Variants in HMCN2 observed in about 807,000 individuals in gnomAD.
HMCN2 encodes hemicentin-2.
In HMCN2, 325 loss-of-function variants were observed where a neutral mutation model predicts 377.5. The observed-to-expected ratio is 0.86, with a 90% confidence interval of 0.79 to 0.94. The LOEUF (loss-of-function observed/expected upper bound fraction) is 0.94. Ranked by LOEUF, HMCN2 falls within the 40% of genes least tolerant of loss-of-function variation. HMCN2 has a pLI of 0.00. For missense variants in HMCN2, 4,543 were observed against 4,725.3 expected (o/e 0.96, Z 1.13); for synonymous variants, 2,007 against 2,046.8 (o/e 0.98, Z 0.53).
chr9:130,416,679 G>A (rs576200782), intron 85 of HMCN2, among the ~76,000 whole-genome samples: 4 of 152,070 alleles, frequency 2.6e-5, no homozygotes, highest in African/African-American at 7.2e-5. Context: ...TGGGGTATTC[G>A]TCCAGGAGCA....
chr9:130,426,845 G>A (rs11244302), intron 90 of HMCN2, among the ~76,000 whole-genome samples: 29,620 of 150,664 alleles, frequency 0.2, 3,216 homozygotes, highest in East Asian at 0.4. Flanking sequence ...TTCTTCCAGC[G>A]TGGCCCACAG....
rs982880362 is a variant in HMCN2 at position 130,349,681 on chromosome 9, C to T, written c.4430+18C>T. 18 of 1,298,560 alleles carry T rather than the reference C, an allele frequency of 1.4e-5. No homozygotes were observed. The Middle Eastern group carries it at 6.4e-4, about 46-fold the overall frequency. The allele number at this position is 1,298,560 out of a possible 1,614,324, so 80.4% of individuals were successfully genotyped here. ...GACAGGCAGTGAGTGCCCCCCTCCC[C>T]GAGGATGGCGTGTGGTGGTGCCCAG... is the stretch of plus-strand genomic sequence containing the variant. On this transcript the variant is annotated intron_variant, in intron 29 of 97. Transcript: ENST00000683500.
At position 130,374,541 on chromosome 9, in the gene HMCN2, G is replaced by A. The variant is rs976862490; in HGVS notation, c.7478G>A (p.Arg2493Gln). 2.3e-5 allele frequency: 23 copies of A among 985,692 alleles called. No homozygotes were observed. The highest frequency in any genetic ancestry group is 1.7e-4 in the African/African-American group (10 of 57,224). 61.1% of individuals were successfully genotyped at this position (985,692 alleles called of 1,614,324 possible). ...AAGCTCACATGGTTCAAAGATGGCC[G>A]GCCTCTGGCTAGGGGAGATGCTCAC... ...QPKLTWFKDG[R>Q]PLARGDAHHI... is the part of the protein sequence containing the mutation. Residue 2493 changes from arginine (R) to glutamine (Q), a missense_variant, in exon 49 of 98, where the codon CGG becomes CAG. Arg to Gln is a conservative substitution (Grantham distance 43). Coordinates refer to ENST00000683500, the MANE Select transcript of HMCN2 (RefSeq NM_001291815.2).
At chr9:130,278,024 CCACGATCAT>C (rs1337993026) in intron 1 of HMCN2, among the ~76,000 whole-genome samples, 2 of 74,444 alleles carry the variant, frequency 2.7e-5, no homozygotes, top group Non-Finnish European at 5.7e-5. Flanking sequence ...ATCACCACCA[CCACGATCAT>C]CACCACCACC....
chr9:130,382,367 G>T, intron 55 of HMCN2, 70 bp downstream of exon 55: 1 of 684,062 alleles, frequency 1.5e-6, no homozygotes, highest in African/African-American at 1.9e-5. Flanking sequence ...CTCAGAAGGG[G>T]CCGAGGCAAA....
chr9:130,345,373 G>A (rs1197320607), intron 25 of HMCN2, among the ~76,000 whole-genome samples: 2 of 145,152 alleles, frequency 1.4e-5, no homozygotes, highest in Non-Finnish European at 3.0e-5. Context: ...TGGTATGTGT[G>A]GTATGTGTAG....
chr9:130,403,319 G>A lies in HMCN2; in HGVS notation c.12004G>A (p.Val4002Ile), dbSNP rs201787162. ...TITWQKEGLN[V>I]ATGVSTQVLP... ...CACCTGGCAGAAGGAAGGGCTCAAC[G>A]TCGCTACTGGTGAGGGCCCCTGGCA... The change falls in exon 79 of 98, where the codon GTC becomes ATC. Residue 4002 changes from valine to isoleucine, a missense_variant. Coordinates refer to ENST00000683500, the MANE Select transcript of HMCN2 (RefSeq NM_001291815.2). 17 of 1,289,924 alleles carry A rather than the reference G, an allele frequency of 1.3e-5. No individual in the cohort carries two copies. Among genetic ancestry groups the A allele is most frequent in the Middle Eastern group, 2.1e-4 (1 of 4,694 alleles). The allele number at this position is 1,289,924 out of a possible 1,614,324, so 79.9% of individuals were successfully genotyped here.
chr9:130,288,467 G>A (rs1281633558), intron 4 of HMCN2, among the ~76,000 whole-genome samples: 1 of 152,218 alleles, frequency 6.6e-6, no homozygotes, highest in African/African-American at 2.4e-5. Context: ...GGCAAGCCTG[G>A]GAAGGTGGCT....
chr9:130,351,938 A>C lies in HMCN2; in HGVS notation c.4585+361A>C, dbSNP rs1329983824. Among the ~76,000 whole-genome samples the C allele has an allele frequency of 6.6e-6, 1 of 151,932 alleles. No individual in the cohort carries two copies. The highest frequency in any genetic ancestry group is 1.5e-5 in the Non-Finnish European group (1 of 67,990). ...GTGATTCTCTTGCCTCAGCCTCCCG[A>C]GTAGCTGGGATTACAGGTGCCCACC... On this transcript the variant is annotated intron_variant, in intron 30 of 97. Transcript: ENST00000683500. The surrounding 1 kb of genome is among the most constrained non-coding windows in gnomAD (Gnocchi z 5.4).
rs1371666173 is a variant in HMCN2, at chr9:130,429,688, A to G, written c.14326+3A>G. ...GGGCCCCAGCCTGCCCTGCCTAGGT[A>G]CGGGGACACCCACCCTCTGGCCACA... On this transcript the variant is annotated splice_donor_region_variant and intron_variant, in intron 94 of 97. Transcript: ENST00000683500. The G allele has an allele frequency of 7.4e-7, 1 of 1,343,902 alleles. No homozygotes were observed. The highest frequency in any genetic ancestry group is 2.8e-5 in the East Asian group (1 of 36,256). 83.2% of individuals were successfully genotyped at this position (1,343,902 alleles called of 1,614,324 possible). A position where few individuals can be genotyped will look rare whatever the true frequency, so the allele number is the denominator to read the frequency against.
intron 75 of HMCN2, 134 bp downstream of exon 75, chr9:130,398,841 C>A: frequency 1.3e-6 from 1 of 766,430 alleles, no homozygotes; most frequent in Non-Finnish European, 1.8e-6. Flanking sequence ...GAACTTGTGT[C>A]TCAACTTTGG....
At position 130,396,075 on chromosome 9, in the gene HMCN2, G is replaced by GGCCC; in HGVS notation, c.11053+10_11053+11insGCCC. 3 of 1,243,722 alleles carry GGCCC rather than the reference G, an allele frequency of 2.4e-6. No individual in the cohort carries two copies. The highest frequency in any genetic ancestry group is 3.1e-6 in the Non-Finnish European group (3 of 956,702). The allele number at this position is 1,243,722 out of a possible 1,614,324, so 77.0% of individuals were successfully genotyped here. On this transcript the variant is annotated intron_variant, in intron 72 of 97. Coordinates refer to ENST00000683500, the MANE Select transcript of HMCN2 (RefSeq NM_001291815.2). ...CGCGTGGAGATCCACAGTGAGTAGGGCCCGCCCCACCCCACCCTGCCCACC... is the reference window on the plus strand; with the variant it reads ...CGCGTGGAGATCCACAGTGAGTAGGGGCCCCCCGCCCCACCCCACCCTGCCCACC...
At chr9:130,430,136 A>AG in intron 94 of HMCN2, 148 bp from the exon 95 acceptor site, 1 of 683,300 alleles carries the variant, frequency 1.5e-6, no homozygotes, top group Non-Finnish European at 2.4e-6. Context: ...GGTCCGGGAG[A>AG]GGGGGATGCA....
Position 130,391,444 on chromosome 9 carries a change from T to A in HMCN2, c.9828-6T>A, listed in dbSNP as rs1441993235. 3 of 987,784 alleles carry A rather than the reference T, an allele frequency of 3.0e-6. No individual in the cohort carries two copies. The Admixed American group carries it at 1.8e-4, about 61-fold the overall frequency. 61.2% of individuals were successfully genotyped at this position (987,784 alleles called of 1,614,324 possible). ...CTCTGCCCTGGGCCCTCCTTCCCTG[T>A]GGCAGGTTCTACCTGGACGGCGGCT... On this transcript the variant is annotated splice_region_variant and splice_polypyrimidine_tract_variant and intron_variant, in intron 64 of 97. Coordinates refer to ENST00000683500, the MANE Select transcript of HMCN2 (RefSeq NM_001291815.2).
rs1004873663 is a variant in HMCN2 at position 130,423,991 on chromosome 9, T to A, written c.13382-785T>A. On this transcript the variant is annotated intron_variant, in intron 87 of 97. Transcript: ENST00000683500. This position sits in a 1 kb window ranked among gnomAD's most constrained non-coding sequence, Gnocchi z 5.5. ...ATGCATTTATTTCTTCTTTTTTTTT[T>A]CTTTTTGAGACTGCTTCTCGCTTTG... Among the ~76,000 whole-genome samples, 1 of 151,770 alleles carries A rather than the reference T, an allele frequency of 6.6e-6. No individual in the cohort carries two copies. Among genetic ancestry groups the A allele is most frequent in the Non-Finnish European group, 1.5e-5 (1 of 67,940 alleles).
rs1190840318 is a variant in HMCN2 at position 130,360,784 on chromosome 9, C to A, written c.5950+180C>A. 6.6e-6 allele frequency among the ~76,000 whole-genome samples: 1 copy of A among 151,326 alleles called. No individual in the cohort carries two copies. The highest frequency in any genetic ancestry group is 1.5e-5 in the Non-Finnish European group (1 of 67,806). The stretch of plus-strand genomic sequence containing the variant: ...TCCATCCATCCATCCATCCATCCAT[C>A]CATCCCACCCATCCATCCACCCATC... On this transcript the variant is annotated intron_variant, in intron 38 of 97. Coordinates refer to ENST00000683500, the MANE Select transcript of HMCN2 (RefSeq NM_001291815.2). This position sits in a 1 kb window ranked among gnomAD's most constrained non-coding sequence, Gnocchi z 4.7.
rs1295535575 is a variant in HMCN2, at chr9:130,361,552, TG to T, written c.5951-453del. On this transcript the variant is annotated intron_variant, in intron 38 of 97. Transcript: ENST00000683500. This position sits in a 1 kb window ranked among gnomAD's most constrained non-coding sequence, Gnocchi z 4.8. ...GTAGCTGGGCAGAGGCCTGGGACCC[TG>T]GGCATCATGGCTGGTGCCTCCCAGA... Among the ~76,000 whole-genome samples the T allele has an allele frequency of 6.6e-6, 1 of 152,220 alleles. No individual in the cohort carries two copies. The highest frequency in any genetic ancestry group is 2.1e-4 in the South Asian group (1 of 4,830).
intron 54 of HMCN2, among the ~76,000 whole-genome samples, 168 bp from the exon 55 acceptor site, chr9:130,382,016 A>G (rs1588355588): frequency 6.6e-6 from 1 of 150,862 alleles, no homozygotes; most frequent in Non-Finnish European, 1.5e-5. Context: ...CCCTGACTTG[A>G]CTCCACTCCA....
chr9:130,385,106 G>T (rs34326445), intron 59 of HMCN2, among the ~76,000 whole-genome samples: 2 of 152,132 alleles, frequency 1.3e-5, no homozygotes, highest in Admixed American at 6.5e-5. Flanking sequence ...GCAAGGACTC[G>T]CTGGAAGGTT....
Sources: allele counts gnomAD v4.1 joint callset (sites outside exome capture counted in the v4.1 genomes callset), GRCh38; gene constraint gnomAD v4.1.1; non-coding constraint Gnocchi (gnomAD v3.1); transcripts MANE v1.5; gene names NCBI Gene and HGNC (gene_info 2026-07-23, HGNC 2026-07-21).